The following PDZD4 variants were observed in gnomAD, a reference collection of about 807,000 sequenced individuals.
The protein encoded by PDZD4 is PDZ domain containing 4, also known as PDZ domain-containing protein 4.
A neutral mutation model predicts 38.5 loss-of-function variants in PDZD4; 9 were observed. The ratio of observed to expected loss-of-function variants is 0.23; its 90% CI spans 0.14 to 0.41. The LOEUF is 0.41. Ranked by LOEUF, PDZD4 falls within the 10% of genes least tolerant of loss-of-function variation. The pLI, the probability that PDZD4 is intolerant of heterozygous loss-of-function variation, is 1.00. For missense variants in PDZD4, 612 were observed against 722.0 expected (o/e 0.85, Z 1.75); for synonymous variants, 349 against 315.7 (o/e 1.11, Z -1.12).
At chrX:153,805,048 C>G in intron 7 of PDZD4, 49 bp downstream of exon 7, 1 of 1,162,610 alleles carries the variant, frequency 8.6e-7, no homozygotes. Context: ...GCCTTCCACC[C>G]AGTTCTCTCC....
intron 1 of PDZD4, among the ~76,000 whole-genome samples, chrX:153,819,194 GGACTCCT>G (rs1299803838): frequency 1.8e-5 from 2 of 112,743 alleles, no homozygotes; most frequent in Non-Finnish European, 3.8e-5. Flanking sequence ...TGTATTGGCA[GGACTCCT>G]GCCCGCCCGC....
At chrX:153,823,346 G>A (rs1236075793) in intron 1 of PDZD4, among the ~76,000 whole-genome samples, 3 of 110,236 alleles carry the variant, frequency 2.7e-5, no homozygotes, top group Non-Finnish European at 5.7e-5. Context: ...AGCCTCCCGC[G>A]TACCTGGGAT....
rs782676392 is a variant in PDZD4 at position 153,821,524 on chromosome X, T to A, written c.60+8715A>T. On this transcript the variant is annotated intron_variant, in intron 1 of 7. Coordinates refer to ENST00000393758, the MANE Select transcript of PDZD4 (RefSeq NM_001303512.2). ...CCTCACTTCACCACCCATGTTAATG[T>A]GGTTTGGGGCTACCATAGATCTACT... 1.1e-4 allele frequency among the ~76,000 whole-genome samples: 12 copies of A among 108,798 alleles called. No homozygotes were observed. The East Asian group carries it at 3.5e-3, about 31-fold the overall frequency. The allele number at this position is 108,798 out of a possible 115,157, so 94.5% of individuals were successfully genotyped here.
chrX:153,816,210 G>A (rs934006596), intron 1 of PDZD4, among the ~76,000 whole-genome samples: 1 of 105,269 alleles, frequency 9.5e-6, no homozygotes, highest in Non-Finnish European at 2.0e-5. Flanking sequence ...TCGGGGGCTC[G>A]GTGGTGGGCC....
chrX:153,813,550 G>A (rs1237086477), intron 1 of PDZD4, among the ~76,000 whole-genome samples: 1 of 112,859 alleles, frequency 8.9e-6, no homozygotes, highest in Non-Finnish European at 1.9e-5. Flanking sequence ...AGTTAATGGA[G>A]GCGCACATAA....
At chrX:153,822,620 T>G (rs1171417093) in intron 1 of PDZD4, among the ~76,000 whole-genome samples, 1 of 94,059 alleles carries the variant, frequency 1.1e-5, no homozygotes, top group Non-Finnish European at 2.1e-5. Context: ...ATCTGTTTTT[T>G]CTTTCTCTCT....
intron 4 of PDZD4, among the ~76,000 whole-genome samples, 199 bp from the exon 5 acceptor site, chrX:153,806,332 G>A (rs782389603): frequency 8.9e-6 from 1 of 112,407 alleles, no homozygotes; most frequent in Admixed American, 9.4e-5. Context: ...AGGCTCTTCT[G>A]CACGGAAGCC....
chrX:153,818,249 C>CA (rs1410685972), intron 1 of PDZD4, among the ~76,000 whole-genome samples: 13 of 109,290 alleles, frequency 1.2e-4, no homozygotes, highest in African/African-American at 4.0e-4. Context: ...CCGTCTCAAA[C>CA]AAAAAAAGAA....
chrX:153,827,694 T>C (rs1557082822), intron 1 of PDZD4, among the ~76,000 whole-genome samples: 1 of 110,940 alleles, frequency 9.0e-6, no homozygotes, highest in Non-Finnish European at 1.9e-5. Context: ...GCTAGGAAGT[T>C]TGAGGGAGAA....
intron 1 of PDZD4, among the ~76,000 whole-genome samples, chrX:153,816,472 G>C (rs1470226460): frequency 1.8e-5 from 2 of 109,974 alleles, no homozygotes; most frequent in Admixed American, 1.9e-4. Context: ...GGAGATGCTG[G>C]GGGGTGGGCC....
chrX:153,827,147 C>T (rs2064490718), intron 1 of PDZD4, among the ~76,000 whole-genome samples: 1 of 112,059 alleles, frequency 8.9e-6, no homozygotes, highest in African/African-American at 3.2e-5. Flanking sequence ...AAAGAAGATC[C>T]ACAAATGGCC....
chrX:153,809,173 TAC>T (rs2064284225), intron 1 of PDZD4, among the ~76,000 whole-genome samples: 1 of 112,453 alleles, frequency 8.9e-6, no homozygotes, highest in South Asian at 3.6e-4. Flanking sequence ...TGCCTAAAGA[TAC>T]AGTGTTGTGT....
intron 1 of PDZD4, 36 bp from the exon 2 acceptor site, chrX:153,808,631 A>T: frequency 9.0e-7 from 1 of 1,114,221 alleles, no homozygotes; most frequent in Non-Finnish European, 1.2e-6. Context: ...GAACCCTCAA[A>T]GGCTTGCTCC....
chrX:153,830,400 C>A lies in PDZD4; in HGVS notation c.-102G>T. On this transcript the variant is annotated 5_prime_UTR_variant, in exon 1 of 8. Coordinates refer to ENST00000393758, the MANE Select transcript of PDZD4 (RefSeq NM_001303512.2). ...TCCCGGGCCGGGGCCAGGGGCCATA[C>A]CCTGGCGCGGGGGGCGGGCCGCCTA... 1 of 742,412 alleles carries A rather than the reference C, an allele frequency of 1.3e-6. No homozygotes were observed. The highest frequency in any genetic ancestry group is 2.0e-6 in the Non-Finnish European group (1 of 508,779). 61.2% of individuals were successfully genotyped at this position (742,412 alleles called of 1,213,427 possible).
chrX:153,824,920 C>T (rs1557082189), intron 1 of PDZD4, among the ~76,000 whole-genome samples: 6 of 112,111 alleles, frequency 5.4e-5, no homozygotes, highest in Non-Finnish European at 1.1e-4. Flanking sequence ...ATCGCTTGAA[C>T]CCTGGAGGCG....
At chrX:153,818,771 G>C (rs1557080520) in intron 1 of PDZD4, among the ~76,000 whole-genome samples, 1 of 111,713 alleles carries the variant, frequency 9.0e-6, no homozygotes, top group Non-Finnish European at 1.9e-5. Flanking sequence ...GAGCAGGTTG[G>C]GTTTTCAGGA....
At chrX:153,826,728 A>G (rs1557082599) in intron 1 of PDZD4, among the ~76,000 whole-genome samples, 1 of 112,188 alleles carries the variant, frequency 8.9e-6, no homozygotes, top group Admixed American at 9.5e-5. Flanking sequence ...TTGTATTTCT[A>G]TACAGTAGCA....
At chrX:153,809,243 CT>C (rs113801607) in intron 1 of PDZD4, among the ~76,000 whole-genome samples, 1,633 of 112,435 alleles carry the variant, frequency 0.015, 32 homozygotes, top group African/African-American at 0.049. Flanking sequence ...AAGAAGCCCC[CT>C]GGAACTGCAA....
At chrX:153,814,784 C>T (rs1434419651) in intron 1 of PDZD4, among the ~76,000 whole-genome samples, 1 of 111,090 alleles carries the variant, frequency 9.0e-6, no homozygotes, top group Non-Finnish European at 1.9e-5. Context: ...GCTCCCGTGC[C>T]ATCCTGACCA....
Sources: gnomAD v4.1 joint callset for allele counts (sites outside exome capture counted in the v4.1 genomes callset) on GRCh38, gnomAD v4.1.1 for gene constraint, MANE v1.5 for transcripts, NCBI Gene and HGNC (gene_info 2026-07-23, HGNC 2026-07-21) for gene names.